FBXL2: variants seen among roughly 807,000 people sequenced by gnomAD.
FBXL2 encodes F-box/LRR-repeat protein 2.
A neutral mutation model predicts 69.2 loss-of-function variants in FBXL2; 38 were observed. The ratio of observed to expected loss-of-function variants is 0.55; its 90% CI spans 0.42 to 0.72. The LOEUF is 0.72. Ranked by LOEUF, FBXL2 falls within the 30% of genes least tolerant of loss-of-function variation. The pLI is 0.00. For synonymous variants in FBXL2, 192 were observed against 201.3 expected (o/e 0.95, Z 0.39); for missense variants, 354 against 520.3 (o/e 0.68, Z 3.11).
intron 2 of FBXL2, among the ~76,000 whole-genome samples, chr3:33,351,298 C>A (rs966178010): frequency 5.3e-5 from 8 of 152,056 alleles, no homozygotes; most frequent in African/African-American, 1.4e-4. Context: ...CCTCCTGTAA[C>A]TAATTAGCAA....
chr3:33,333,395 C>T (rs1210453233), intron 2 of FBXL2, among the ~76,000 whole-genome samples: 1 of 152,128 alleles, frequency 6.6e-6, no homozygotes, highest in African/African-American at 2.4e-5. Flanking sequence ...TATTGATTAA[C>T]TTTAGACTTT....
intron 10 of FBXL2, among the ~76,000 whole-genome samples, 185 bp from the exon 11 acceptor site, chr3:33,377,088 G>A (rs1204352912): frequency 2.0e-5 from 3 of 152,192 alleles, no homozygotes; most frequent in Non-Finnish European, 4.4e-5. Flanking sequence ...GAAGATTCTT[G>A]GATTTACTTT....
At chr3:33,397,028 A>C (rs1446481076) in intron 12 of FBXL2, 1 of 1,579,858 alleles carries the variant, frequency 6.3e-7, no homozygotes, top group African/African-American at 1.4e-5. Flanking sequence ...CAAGCAAAAC[A>C]GTTCACAGTA....
chr3:33,321,436 C>T (rs6550218), intron 2 of FBXL2, among the ~76,000 whole-genome samples: 150,854 of 152,368 alleles, frequency 0.99, 74,690 homozygotes, highest in Middle Eastern at 1. Flanking sequence ...CTTCACATCA[C>T]TAGTAATCAC....
chr3:33,292,216 C>T (rs572356068), intron 1 of FBXL2, among the ~76,000 whole-genome samples: 38 of 152,234 alleles, frequency 2.5e-4, no homozygotes, highest in Admixed American at 2.4e-3. Flanking sequence ...CCCATCTCTA[C>T]TAAAAATACA....
chr3:33,357,531 C>CAT (rs2041289115), intron 2 of FBXL2, among the ~76,000 whole-genome samples: 3 of 129,434 alleles, frequency 2.3e-5, no homozygotes, highest in African/African-American at 8.8e-5. Flanking sequence ...TCCACTGAGT[C>CAT]TTTTTTTTTT....
intron 13 of FBXL2, among the ~76,000 whole-genome samples, chr3:33,380,716 C>A (rs1439143439): frequency 6.6e-6 from 1 of 152,150 alleles, no homozygotes. Context: ...TCCTCCCTGT[C>A]TCTTTCATGC....
At chr3:33,347,730 G>T (rs1394260955) in intron 2 of FBXL2, among the ~76,000 whole-genome samples, 1 of 152,136 alleles carries the variant, frequency 6.6e-6, no homozygotes, top group Non-Finnish European at 1.5e-5. Context: ...GGGGTGAAAT[G>T]ATATCTCGTT....
chr3:33,383,255 T>C (rs907302871), intron 13 of FBXL2: 1 of 152,536 alleles, frequency 6.6e-6, no homozygotes, highest in Non-Finnish European at 1.5e-5. Flanking sequence ...CAAATGGGAA[T>C]TGATACAGTA....
intron 6 of FBXL2, 35 bp from the exon 7 acceptor site, chr3:33,373,225 T>C: frequency 6.2e-7 from 1 of 1,612,656 alleles, no homozygotes; most frequent in Non-Finnish European, 8.5e-7. Context: ...AGAAACGTGG[T>C]TGAAAATATC....
chr3:33,354,432 T>G (rs2041053542), intron 2 of FBXL2, among the ~76,000 whole-genome samples: 1 of 151,614 alleles, frequency 6.6e-6, no homozygotes, highest in South Asian at 2.1e-4. Flanking sequence ...GAGAATTGCT[T>G]GAACCTGGAG....
chr3:33,279,301 C>T (rs149736647), intron 1 of FBXL2, among the ~76,000 whole-genome samples: 2,810 of 151,188 alleles, frequency 0.019, 77 homozygotes, highest in African/African-American at 0.065. Context: ...GACGGAGTCT[C>T]GCTCTGTCGC....
At chr3:33,401,103 CTA>C (rs2044211623) in intron 12 of FBXL2, 9 of 1,298,552 alleles carry the variant, frequency 6.9e-6, no homozygotes, top group South Asian at 1.5e-5. Flanking sequence ...TGCATTGTAA[CTA>C]TGCAAATTTC....
At chr3:33,345,611 A>G (rs1360810084) in intron 2 of FBXL2, among the ~76,000 whole-genome samples, 1 of 152,226 alleles carries the variant, frequency 6.6e-6, no homozygotes, top group Non-Finnish European at 1.5e-5. Flanking sequence ...ATTCCTCTTA[A>G]GGTTATATGG....
At chr3:33,346,267 C>A (rs910294172) in intron 2 of FBXL2, among the ~76,000 whole-genome samples, 10 of 151,986 alleles carry the variant, frequency 6.6e-5, no homozygotes, top group Non-Finnish European at 1.5e-4. Context: ...AGAATCTAAG[C>A]CTCCATTTTA....
chr3:33,396,883 A>G, intron 12 of FBXL2: 1 of 720,080 alleles, frequency 1.4e-6, no homozygotes, highest in Middle Eastern at 2.3e-4. Context: ...CCTGCCCTGA[A>G]GGTGTACACA....
chr3:33,394,644 TATC>T (rs1185204649), intron 12 of FBXL2, among the ~76,000 whole-genome samples: 1 of 152,164 alleles, frequency 6.6e-6, no homozygotes, highest in Admixed American at 6.5e-5. Context: ...GGATCAGGAA[TATC>T]ATTACTGAGA....
intron 2 of FBXL2, among the ~76,000 whole-genome samples, chr3:33,321,271 T>C (rs143244610): frequency 0.046 from 6,712 of 147,232 alleles, 483 homozygotes; most frequent in African/African-American, 0.16. Flanking sequence ...GATTGCACCA[T>C]TGCACTCCAG....
intron 12 of FBXL2, among the ~76,000 whole-genome samples, chr3:33,395,359 G>A (rs181862734): frequency 2.1e-4 from 32 of 151,608 alleles, no homozygotes; most frequent in African/African-American, 6.3e-4. Flanking sequence ...TGAGCATGTT[G>A]CCTTTGTTCT....
Sources: allele counts gnomAD v4.1 joint callset (sites outside exome capture counted in the v4.1 genomes callset), GRCh38; gene constraint gnomAD v4.1.1; transcripts MANE v1.5; gene names NCBI Gene and HGNC (gene_info 2026-07-23, HGNC 2026-07-21).